The following TMOD4 variants were observed in gnomAD, a reference collection of about 807,000 sequenced individuals.
TMOD4 encodes tropomodulin-4.
TMOD4 carries 34 observed loss-of-function variants against 45.4 expected under a neutral mutation model. The observed-to-expected ratio is 0.75, with a 90% CI of 0.57 to 1.00. TMOD4 has a LOEUF of 1.00. TMOD4 is among the 50% of genes least tolerant of loss of function. The probability of loss-of-function intolerance (pLI) is 0.00; values close to 1 mark genes in which losing one functional copy is unlikely to be tolerated. For missense variants in TMOD4, 399 were observed against 437.5 expected (o/e 0.91, Z 0.78); for synonymous variants, 131 against 153.9 (o/e 0.85, Z 1.10).
At chr1:151,174,654 C>T (rs2101716346) in intron 2 of TMOD4, 99 bp downstream of exon 2, 1 of 1,599,916 alleles carries the variant, frequency 6.3e-7, no homozygotes, top group Non-Finnish European at 8.5e-7. Flanking sequence ...TTCTTAGGAC[C>T]CTAGGTCCTG....
At chr1:151,170,410 G>A (rs1043493127) in intron 9 of TMOD4, 109 bp downstream of exon 9, 1 of 1,495,852 alleles carries the variant, frequency 6.7e-7, no homozygotes. Context: ...CATATGAATA[G>A]CTCTTTGGTA....
chr1:151,174,464 C>T lies in TMOD4; in HGVS notation c.207G>A (p.Leu69=). ...CTAGTGCCTGTTGCTCCAAGTACTG[C>T]AAAAGGGCCTCTCGGTCCAGTGGCC... ...PTGPLDREAL[L]QYLEQQALEV... Residue 69 remains leucine, a synonymous_variant, in exon 3 of 10, where the codon TTG becomes TTA. Transcript: ENST00000295314. The T allele has an allele frequency of 6.2e-7, 1 of 1,614,160 alleles. No homozygotes were observed. The highest frequency in any genetic ancestry group is 8.5e-7 in the Non-Finnish European group (1 of 1,180,028).
rs775336965 is a variant in TMOD4 at position 151,170,670 on chromosome 1, G to A, written c.871-7C>T. 10 of 1,613,852 alleles carry A rather than the reference G, an allele frequency of 6.2e-6. No homozygotes were observed. Among genetic ancestry groups the A allele is most frequent in the Non-Finnish European group, 8.5e-6 (10 of 1,179,926 alleles). On this transcript the variant is annotated splice_polypyrimidine_tract_variant and splice_region_variant and intron_variant, in intron 8 of 9. Transcript: ENST00000295314. ...CATCACCAGGCCACTGGCGCTGGGG[G>A]AGGGAGAGGCAAAAGCTGACAGTCA...
chr1:151,172,140 A>G (rs1259492163), intron 5 of TMOD4, 128 bp downstream of exon 5: 3 of 787,990 alleles, frequency 3.8e-6, no homozygotes, highest in Non-Finnish European at 6.2e-6. Flanking sequence ...GGCACTCCAC[A>G]GGTTTTCTTA....
At chr1:151,170,727 C>G (rs1328767044) in intron 8 of TMOD4, 64 bp from the exon 9 acceptor site, 24 of 1,597,974 alleles carry the variant, frequency 1.5e-5, no homozygotes, top group Non-Finnish European at 2.0e-5. Flanking sequence ...TCCCACATCA[C>G]AGACCCCTTT....
chr1:151,172,574 T>C (rs749144128), intron 4 of TMOD4, among the ~76,000 whole-genome samples: 4 of 152,106 alleles, frequency 2.6e-5, no homozygotes, highest in African/African-American at 4.8e-5. Flanking sequence ...GAAGGTCCCT[T>C]ATGAGCCACT....
At chr1:151,173,359 C>A (rs1049534216) in intron 4 of TMOD4, 140 bp downstream of exon 4, 2 of 673,040 alleles carry the variant, frequency 3.0e-6, no homozygotes, top group Admixed American at 2.4e-5. Flanking sequence ...TATAAACAAA[C>A]AAGAAAAGCT....
At chr1:151,175,372 TAA>T (rs1203549010) in intron 1 of TMOD4, 1 of 153,734 alleles carries the variant, frequency 6.5e-6, no homozygotes, top group South Asian at 2.0e-4. Context: ...CTAAACCGGA[TAA>T]AAAAACCAAG....
chr1:151,170,878 C>A (rs1416435349), intron 8 of TMOD4, 42 bp downstream of exon 8: 7 of 1,605,834 alleles, frequency 4.4e-6, no homozygotes, highest in Non-Finnish European at 6.0e-6. Flanking sequence ...GGAGGAGACT[C>A]AATGAGACTG....
Position 151,174,735 on chromosome 1 carries a change from C to T in TMOD4, c.123+18G>A. On this transcript the variant is annotated intron_variant, in intron 2 of 9. Transcript: ENST00000295314. ...AATGCCTGGGACTGCCTCTGGTTCC[C>T]TGTGCTGGAGCCCCTACCTCAGGAT... 6.2e-7 allele frequency: 1 copy of T among 1,613,288 alleles called. No homozygotes were observed. Among genetic ancestry groups the T allele is most frequent in the Non-Finnish European group, 8.5e-7 (1 of 1,180,000 alleles).
intron 4 of TMOD4, 89 bp downstream of exon 4, chr1:151,173,410 G>T: frequency 2.2e-6 from 2 of 902,806 alleles, no homozygotes; most frequent in East Asian, 4.9e-5. Flanking sequence ...TCCACATTCT[G>T]GTTGAGGGCC....
chr1:151,171,332 C>T, intron 7 of TMOD4, 101 bp downstream of exon 7: 1 of 1,119,424 alleles, frequency 8.9e-7, no homozygotes, highest in Non-Finnish European at 1.3e-6. Flanking sequence ...CCTAAGAAGG[C>T]ATGATGAGAA....
Position 151,172,811 on chromosome 1 carries a change from G to GTTGCTT in TMOD4, c.398-455_398-454insAAGCAA, listed in dbSNP as rs957338859. On this transcript the variant is annotated intron_variant, in intron 4 of 9. Coordinates refer to ENST00000295314, the MANE Select transcript of TMOD4 (RefSeq NM_013353.3). Reference sequence around the variant, plus strand: ...CCATGCCTGGCTAATTTTTTTTGTTGTTGTTTTTGTTTTTGTTTTTTGTTT... The same window carrying GTTGCTT: ...CCATGCCTGGCTAATTTTTTTTGTTGTTGCTTTTGTTTTTGTTTTTGTTTTTTGTTT... Among the ~76,000 whole-genome samples, 14 of 151,898 alleles carry GTTGCTT rather than the reference G, an allele frequency of 9.2e-5. 2 individuals carry two copies. The highest frequency in any genetic ancestry group is 3.4e-4 in the African/African-American group (14 of 41,458).
chr1:151,174,152 C>T (rs1208076915), intron 3 of TMOD4, among the ~76,000 whole-genome samples: 1 of 151,962 alleles, frequency 6.6e-6, no homozygotes, highest in African/African-American at 2.4e-5. Flanking sequence ...GGAGGTGGAG[C>T]TTGCAGTGAG....
chr1:151,171,915 C>A (rs1246673196), intron 5 of TMOD4, 152 bp from the exon 6 acceptor site: 2 of 1,029,956 alleles, frequency 1.9e-6, no homozygotes, highest in Non-Finnish European at 2.7e-6. Flanking sequence ...CAACTCACAG[C>A]AGCCTTGACC....
At chr1:151,174,059 CT>C (rs1378244264) in intron 3 of TMOD4, among the ~76,000 whole-genome samples, 1 of 152,004 alleles carries the variant, frequency 6.6e-6, no homozygotes, top group East Asian at 1.9e-4. Context: ...ACTAAAAATA[CT>C]AAAAAATTAG....
chr1:151,171,527 G>C lies in TMOD4; in HGVS notation c.632C>G (p.Pro211Arg). 1 of 1,614,134 alleles carries C rather than the reference G, an allele frequency of 6.2e-7. No individual in the cohort carries two copies. The highest frequency in any genetic ancestry group is 8.5e-7 in the Non-Finnish European group (1 of 1,180,024). Residue 211 changes from proline to arginine, a missense_variant, in exon 7 of 10, where the codon CCC becomes CGC. By Grantham distance (103) the Pro-to-Arg change is moderately radical. Coordinates refer to ENST00000295314, the MANE Select transcript of TMOD4 (RefSeq NM_013353.3). Reference protein sequence around the residue: ...NLNNIQDIPIPMLSELCEAMK... With the variant: ...NLNNIQDIPIRMLSELCEAMK... ...TGCCTCACACAGCTCACTTAGCATG[G>C]GTATTGGGATGTCCTATCGGAGGGG...
At chr1:151,175,408 G>C (rs1327756086) in intron 1 of TMOD4, 2 of 152,910 alleles carry the variant, frequency 1.3e-5, no homozygotes, top group African/African-American at 4.8e-5. Flanking sequence ...AAGGGGAAGA[G>C]AGAGTCTCTT....
chr1:151,171,479 C>T lies in TMOD4; in HGVS notation c.680G>A (p.Arg227Gln), dbSNP rs774078060. ...CEAMKANTYV[R>Q]SFSLVATRSG... Reference sequence around the variant, plus strand: ...CCTCGTGGCTACCAGACTGAAGCTCCGCACATAGGTATTTGCCTTCATTGC... The same window carrying T: ...CCTCGTGGCTACCAGACTGAAGCTCTGCACATAGGTATTTGCCTTCATTGC... The change falls in exon 7 of 10, where the codon CGG (arginine) becomes CAG (glutamine). Residue 227 changes from arginine (R) to glutamine (Q), a missense_variant. Physicochemically the swap from Arg to Gln is conservative, Grantham distance 43 (BLOSUM62 1). Transcript: ENST00000295314. 3.3e-5 allele frequency: 53 copies of T among 1,614,006 alleles called. No homozygotes were observed. Among genetic ancestry groups the T allele is most frequent in the Middle Eastern group, 3.3e-4 (2 of 6,084 alleles).
Sources: allele counts gnomAD v4.1 joint callset (sites outside exome capture counted in the v4.1 genomes callset), GRCh38; gene constraint gnomAD v4.1.1; transcripts MANE v1.5; gene names NCBI Gene and HGNC (gene_info 2026-07-23, HGNC 2026-07-21).